FILIP1L: variants seen among roughly 807,000 people sequenced by gnomAD.
FILIP1L encodes filamin A-interacting protein 1-like.
Under a neutral mutation model 96.6 loss-of-function variants are expected in FILIP1L, and 55 were observed. The observed-to-expected ratio is 0.57, with a 90% CI of 0.46 to 0.71. The LOEUF is 0.71. Among genes scored for constraint, FILIP1L ranks in the 30% least tolerant of loss-of-function variants. FILIP1L has a pLI of 0.00. For synonymous variants in FILIP1L, 467 were observed against 473.9 expected, an observed-to-expected ratio of 0.99 and a Z score of 0.19; for missense variants, 1,304 against 1,321.2, an observed-to-expected ratio of 0.99 and a Z score of 0.20.
intron 5 of FILIP1L, among the ~76,000 whole-genome samples, chr3:99,840,221 C>T (rs1418313933): frequency 1.1e-4 from 11 of 102,124 alleles, no homozygotes; most frequent in South Asian, 3.6e-4. Flanking sequence ...TTCGTAGAAT[C>T]TTTTTTTTTT....
chr3:100,035,971 G>A (rs994921652), intron 1 of FILIP1L, among the ~76,000 whole-genome samples: 4 of 152,126 alleles, frequency 2.6e-5, no homozygotes, highest in Admixed American at 2.6e-4. Flanking sequence ...TTATTCTCAG[G>A]GATCTCATCA....
intron 1 of FILIP1L, among the ~76,000 whole-genome samples, chr3:99,987,607 C>G (rs2107118644): frequency 6.6e-6 from 1 of 151,812 alleles, no homozygotes; most frequent in South Asian, 2.1e-4. Flanking sequence ...TTTGAACCCT[C>G]TGGCCTTAAT....
At chr3:100,017,694 C>A (rs9810235) in intron 1 of FILIP1L, among the ~76,000 whole-genome samples, 13 of 150,622 alleles carry the variant, frequency 8.6e-5, no homozygotes, top group African/African-American at 3.2e-4. Flanking sequence ...GGAGGCCCAG[C>A]GGGGAGGATC....
chr3:99,966,971 TG>T (rs1708672689), intron 1 of FILIP1L, among the ~76,000 whole-genome samples: 2 of 151,928 alleles, frequency 1.3e-5, no homozygotes, highest in African/African-American at 4.8e-5. Context: ...GCTATACAGG[TG>T]GGGGATTGGA....
At chr3:100,095,158 G>A (rs2066182828) in intron 1 of FILIP1L, among the ~76,000 whole-genome samples, 1 of 152,042 alleles carries the variant, frequency 6.6e-6, no homozygotes, top group African/African-American at 2.4e-5. Context: ...TCTTGAAATA[G>A]GTACACTGAT....
chr3:99,833,403 T>C (rs1359944211), intron 5 of FILIP1L: 19 of 680,374 alleles, frequency 2.8e-5, no homozygotes, highest in Non-Finnish European at 4.6e-5. Context: ...TTAGAAGGCA[T>C]TGAGTCATAA....
At chr3:100,084,796 A>T (rs1009243572) in intron 1 of FILIP1L, among the ~76,000 whole-genome samples, 1 of 152,238 alleles carries the variant, frequency 6.6e-6, no homozygotes, top group Non-Finnish European at 1.5e-5. Flanking sequence ...TCATATTATC[A>T]TCTCAGAGCT....
intron 1 of FILIP1L, among the ~76,000 whole-genome samples, chr3:100,102,854 G>C (rs2066332707): frequency 6.6e-6 from 1 of 152,166 alleles, no homozygotes; most frequent in Admixed American, 6.5e-5. Context: ...TAGGAGAGAG[G>C]TTTTCTGTTT....
chr3:99,992,721 G>C (rs1709560858), intron 1 of FILIP1L, among the ~76,000 whole-genome samples: 1 of 151,718 alleles, frequency 6.6e-6, no homozygotes, highest in Non-Finnish European at 1.5e-5. Flanking sequence ...TTGAGGACTT[G>C]GTCATAAATT....
At chr3:99,887,806 G>T (rs1201751201) in intron 4 of FILIP1L, among the ~76,000 whole-genome samples, 2 of 152,128 alleles carry the variant, frequency 1.3e-5, no homozygotes, top group Admixed American at 1.3e-4. Context: ...ACAATCACGG[G>T]TCACTGCAGC....
At chr3:99,865,746 A>T (rs190420945) in intron 4 of FILIP1L, among the ~76,000 whole-genome samples, 2 of 151,632 alleles carry the variant, frequency 1.3e-5, no homozygotes, top group African/African-American at 4.9e-5. Flanking sequence ...CTTCAAGGGC[A>T]TAATAATAAA....
At chr3:100,016,138 A>G (rs1484416328) in intron 1 of FILIP1L, among the ~76,000 whole-genome samples, 1 of 151,860 alleles carries the variant, frequency 6.6e-6, no homozygotes, top group African/African-American at 2.4e-5. Context: ...TCTCTTTATC[A>G]CTCTCCTAGA....
At position 99,829,139 on chromosome 3, in the gene FILIP1L, A is replaced by G. The variant is rs1942596056; in HGVS notation, c.*1275T>C. On this transcript the variant is annotated 3_prime_UTR_variant, in exon 6 of 6. Transcript: ENST00000477258. ...GCTCCAACCCAGGGCAGCTGGCTAAAGCAGTCCTTAACCATGAGGATTTCT... is the reference window on the plus strand; with the variant it reads ...GCTCCAACCCAGGGCAGCTGGCTAAGGCAGTCCTTAACCATGAGGATTTCT... Among the ~76,000 whole-genome samples, 1 of 152,182 alleles carries G rather than the reference A, an allele frequency of 6.6e-6. No homozygotes were observed. Among genetic ancestry groups the G allele is most frequent in the Non-Finnish European group, 1.5e-5 (1 of 68,030 alleles).
rs1016599990 is a variant in FILIP1L, at chr3:100,038,019, A to G, written c.-11+76034T>C. On this transcript the variant is annotated intron_variant, in intron 1 of 5. Transcript: ENST00000477258. Reference sequence around the variant, plus strand: ...CGCCCAGGTGGAGTGCAGTGGCACAATCTCGGCTCACTGCAACCTCTGCCT... The same window carrying G: ...CGCCCAGGTGGAGTGCAGTGGCACAGTCTCGGCTCACTGCAACCTCTGCCT... 5.3e-5 allele frequency among the ~76,000 whole-genome samples: 8 copies of G among 150,948 alleles called. No homozygotes were observed. In the East Asian group the frequency reaches 1.4e-3, roughly 26 times the overall value.
chr3:99,997,297 A>G (rs186582606), intron 1 of FILIP1L, among the ~76,000 whole-genome samples: 201 of 152,328 alleles, frequency 1.3e-3, no homozygotes, highest in African/African-American at 4.5e-3. Flanking sequence ...GATACCAAGA[A>G]ATATAAAAGA....
chr3:99,975,062 C>T (rs1411978795), intron 1 of FILIP1L, among the ~76,000 whole-genome samples: 1 of 152,130 alleles, frequency 6.6e-6, no homozygotes, highest in African/African-American at 2.4e-5. Context: ...TGCTAATGTT[C>T]CAGGAACTAT....
chr3:100,021,023 G>T (rs973953569), intron 1 of FILIP1L, among the ~76,000 whole-genome samples: 2 of 152,084 alleles, frequency 1.3e-5, no homozygotes, highest in Admixed American at 1.3e-4. Flanking sequence ...CCTTGGCCTC[G>T]CAAAGTGCTA....
At chr3:100,082,045 A>G (rs2065940595) in intron 1 of FILIP1L, among the ~76,000 whole-genome samples, 1 of 152,196 alleles carries the variant, frequency 6.6e-6, no homozygotes, top group Admixed American at 6.5e-5. Flanking sequence ...TTCTCTCCCC[A>G]TCTTCCAAAA....
chr3:99,958,377 G>A (rs1708398860), intron 1 of FILIP1L, among the ~76,000 whole-genome samples: 1 of 151,778 alleles, frequency 6.6e-6, no homozygotes, highest in Non-Finnish European at 1.5e-5. Flanking sequence ...AGAGAACTAG[G>A]GCCTGTTAAT....
Sources: allele counts gnomAD v4.1 joint callset (sites outside exome capture counted in the v4.1 genomes callset), GRCh38; gene constraint gnomAD v4.1.1; transcripts MANE v1.5; gene names NCBI Gene and HGNC (gene_info 2026-07-23, HGNC 2026-07-21).